Variants in RYR1 observed in about 807,000 individuals in gnomAD.
RYR1 encodes ryanodine receptor 1.
In RYR1, 342 loss-of-function variants were observed where a neutral mutation model predicts 583.5. That is an observed-to-expected ratio of 0.59 (90% confidence interval 0.54 to 0.64). The LOEUF (loss-of-function observed/expected upper bound fraction) is 0.64. RYR1 is among the 30% of genes least tolerant of loss of function. RYR1 has a pLI of 0.00. For synonymous variants in RYR1, 2,791 were observed against 2,822.5 expected (o/e 0.99, Z 0.35); for missense variants, 6,032 against 6,917.2 (o/e 0.87, Z 4.54).
At chr19:38,511,184 T>C (rs1277509466) in intron 60 of RYR1, among the ~76,000 whole-genome samples, 3 of 151,968 alleles carry the variant, frequency 2.0e-5, no homozygotes, top group Non-Finnish European at 4.4e-5. Flanking sequence ...TAGTCCCAGC[T>C]ACTCAGGAGG....
Position 38,490,644 on chromosome 19 carries a change from A to G in RYR1, c.6039A>G (p.Lys2013=), listed in dbSNP as rs2228068. 0.091 allele frequency: 146,284 copies of G among 1,610,930 alleles called. 7,724 individuals are homozygous for G. Among genetic ancestry groups the G allele is most frequent in the South Asian group, 0.18 (16,391 of 90,994 alleles). The stretch of plus-strand genomic sequence containing the variant: ...AGATCAATATGCTATTGCAATTCAA[A>G]GATGGTACAGATGAGGAAGACTGTC... ...QEQINMLLQF[K]DGTDEEDCPL... The change falls in exon 37 of 106, where the codon AAA becomes AAG. Residue 2013 remains lysine (K), a synonymous_variant. Coordinates refer to ENST00000359596, the MANE Select transcript of RYR1 (RefSeq NM_000540.3).
At chr19:38,558,215 A>G (rs941823686) in intron 89 of RYR1, among the ~76,000 whole-genome samples, 1 of 151,524 alleles carries the variant, frequency 6.6e-6, no homozygotes, top group Non-Finnish European at 1.5e-5. Flanking sequence ...GAAGGCTAAG[A>G]CGGGAGGATC....
chr19:38,519,656 T>C (rs1041700735), intron 67 of RYR1, among the ~76,000 whole-genome samples: 2 of 152,010 alleles, frequency 1.3e-5, no homozygotes, highest in African/African-American at 4.8e-5. Context: ...TTTCTTTTTG[T>C]TTTTGGTTTT....
intron 69 of RYR1, among the ~76,000 whole-genome samples, 160 bp from the exon 70 acceptor site, chr19:38,523,755 C>T (rs1328214409): frequency 3.3e-5 from 5 of 151,932 alleles, no homozygotes; most frequent in Admixed American, 2.0e-4. Context: ...TCTCAGAGAA[C>T]GACCCCCCAC....
At chr19:38,470,511 G>A (rs370169939) in intron 27 of RYR1, among the ~76,000 whole-genome samples, 1 of 151,356 alleles carries the variant, frequency 6.6e-6, no homozygotes. Flanking sequence ...AGGCCAAGGC[G>A]GGCAGATCAC....
At chr19:38,536,720 T>C (rs1309539666) in intron 82 of RYR1, 30 bp from the exon 83 acceptor site, 1 of 1,613,774 alleles carries the variant, frequency 6.2e-7, no homozygotes, top group East Asian at 2.2e-5. Context: ...TTTCTCCTGC[T>C]TCCTCCTCCC....
chr19:38,579,478 A>G (rs1599662945), intron 99 of RYR1, among the ~76,000 whole-genome samples: 1 of 150,880 alleles, frequency 6.6e-6, no homozygotes, highest in Admixed American at 6.6e-5. Context: ...CTGTGGTCTC[A>G]GCTACTTGGC....
chr19:38,526,863 C>T, intron 71 of RYR1, 130 bp from the exon 72 acceptor site: 1 of 943,196 alleles, frequency 1.1e-6, no homozygotes, highest in South Asian at 1.4e-5. Flanking sequence ...TTTTGTTTCT[C>T]TCAGACCCCC....
At chr19:38,473,130 G>C (rs1206791798) in intron 27 of RYR1, among the ~76,000 whole-genome samples, 1 of 152,016 alleles carries the variant, frequency 6.6e-6, no homozygotes, top group Non-Finnish European at 1.5e-5. Flanking sequence ...AGTGATTCCA[G>C]TGTGTGTCCG....
Position 38,510,801 on chromosome 19 carries a change from G to C in RYR1, c.9122+20G>C. ...CACCAGGTGGGCCGCCTGTGACCCTGGACCCAGCCCCCTGACCTCACAGGA... is the reference window on the plus strand; with the variant it reads ...CACCAGGTGGGCCGCCTGTGACCCTCGACCCAGCCCCCTGACCTCACAGGA... On this transcript the variant is annotated intron_variant, in intron 60 of 105. Coordinates refer to ENST00000359596, the MANE Select transcript of RYR1 (RefSeq NM_000540.3). 2 of 1,613,966 alleles carry C rather than the reference G, an allele frequency of 1.2e-6. No individual in the cohort carries two copies. The highest frequency in any genetic ancestry group is 1.7e-6 in the Non-Finnish European group (2 of 1,180,038).
At chr19:38,486,333 C>G in intron 34 of RYR1, 131 bp downstream of exon 34, 1 of 1,137,450 alleles carries the variant, frequency 8.8e-7, no homozygotes, top group East Asian at 2.4e-5. Context: ...ATACATCCAT[C>G]CACCTTTCTT....
At chr19:38,484,438 C>CCCTTCCTTCCCCTCTCCCTCCCCCACTT (rs1969178374) in intron 33 of RYR1, among the ~76,000 whole-genome samples, 1 of 140,326 alleles carries the variant, frequency 7.1e-6, no homozygotes, top group African/African-American at 2.8e-5. Flanking sequence ...CTCCCTCCCT[C>CCCTTCCTTCCCCTCTCCCTCCCCCACTT]CCTTCCTTCC....
intron 1 of RYR1, among the ~76,000 whole-genome samples, chr19:38,439,666 C>T (rs760204326): frequency 1.2e-4 from 18 of 151,686 alleles, no homozygotes; most frequent in Non-Finnish European, 1.8e-4. Flanking sequence ...ACCACCACAC[C>T]CCGCTAATTT....
Position 38,520,090 on chromosome 19 carries a change from T to A in RYR1, c.10259+636T>A, listed in dbSNP as rs900780700. 1.2e-3 allele frequency among the ~76,000 whole-genome samples: 179 copies of A among 149,566 alleles called. 1 individual carries two copies. The highest frequency in any genetic ancestry group is 7.4e-3 in the South Asian group (35 of 4,718). On this transcript the variant is annotated intron_variant, in intron 67 of 105. Transcript: ENST00000359596. ...AGTTTGCTTTTTTTTTTTTTTTTTT[T>A]ATTGAGACAGGGTCTCTCTCTGTTG...
intron 16 of RYR1, among the ~76,000 whole-genome samples, chr19:38,456,829 G>A (rs1290126743): frequency 3.3e-5 from 5 of 151,030 alleles, no homozygotes; most frequent in African/African-American, 9.7e-5. Flanking sequence ...GGCGGATCAC[G>A]AGGTCAGGAG....
intron 101 of RYR1, 63 bp downstream of exon 101, chr19:38,580,567 T>C: frequency 1.2e-6 from 2 of 1,604,256 alleles, no homozygotes; most frequent in Non-Finnish European, 1.7e-6. Flanking sequence ...GAGTTAATAA[T>C]GGTACCTCCA....
Position 38,500,268 on chromosome 19 carries a change from C to T in RYR1, c.7323+252C>T, listed in dbSNP as rs573005059. Among the ~76,000 whole-genome samples the T allele has an allele frequency of 4.5e-4, 59 of 130,416 alleles. No individual in the cohort carries two copies. The highest frequency in any genetic ancestry group is 1.6e-3 in the African/African-American group (55 of 34,188). The allele number at this position is 130,416 out of a possible 152,430, so 85.6% of individuals were successfully genotyped here. The stretch of plus-strand genomic sequence containing the variant: ...GATGGGGGAGCACAGGAAGAGGGGT[C>T]GGGGCTGGGATTGCAGGGCACACGG... On this transcript the variant is annotated intron_variant, in intron 45 of 105. Transcript: ENST00000359596. This position sits in a 1 kb window ranked among gnomAD's most constrained non-coding sequence, Gnocchi z 5.9.
At chr19:38,501,119 C>A in intron 47 of RYR1, 129 bp downstream of exon 47, 1 of 853,262 alleles carries the variant, frequency 1.2e-6, no homozygotes, top group Non-Finnish European at 1.9e-6. Flanking sequence ...TCCCCAATAC[C>A]ATCATCAAGA....
In RYR1 at chr19:38,527,493, G is replaced by T; in HGVS notation, c.10687-154G>T. On this transcript the variant is annotated intron_variant, in intron 72 of 105. Coordinates refer to ENST00000359596, the MANE Select transcript of RYR1 (RefSeq NM_000540.3). The stretch of plus-strand genomic sequence containing the variant: ...CCACTGCACTCCAGCCTGGGTGATG[G>T]GGCGAGGCTCCGTCTCAAAACAAAA... 3.1e-6 allele frequency: 3 copies of T among 974,094 alleles called. No homozygotes were observed. In the South Asian group the frequency reaches 4.6e-5, roughly 15 times the overall value. 60.3% of individuals were successfully genotyped at this position (974,094 alleles called of 1,614,324 possible).
Sources: gnomAD v4.1 joint callset for allele counts (sites outside exome capture counted in the v4.1 genomes callset) on GRCh38, gnomAD v4.1.1 for gene constraint, Gnocchi (gnomAD v3.1) non-coding constraint, MANE v1.5 for transcripts, NCBI Gene and HGNC (gene_info 2026-07-23, HGNC 2026-07-21) for gene names.